TPTE2: variants seen among roughly 807,000 people sequenced by gnomAD.
TPTE2 encodes the protein phosphatidylinositol 3,4,5-trisphosphate 3-phosphatase TPTE2.
Under a neutral mutation model 78.6 loss-of-function variants are expected in TPTE2, and 53 were observed. The ratio of observed to expected loss-of-function variants is 0.67; its 90% CI spans 0.54 to 0.85. The LOEUF (loss-of-function observed/expected upper bound fraction) is 0.85, where lower values mean the gene tolerates loss of function less well. Among genes scored for constraint, TPTE2 ranks in the 40% least tolerant of loss-of-function variants. TPTE2 has a pLI of 0.00. For missense variants in TPTE2, 461 were observed against 623.0 expected (o/e 0.74, Z 2.77); for synonymous variants, 175 against 206.2 (o/e 0.85, Z 1.30).
chr13:19,438,350 A>G, intron 13 of TPTE2, 197 bp from the exon 17 acceptor site: 2 of 985,444 alleles, frequency 2.0e-6, no homozygotes, highest in African/African-American at 3.5e-5. Flanking sequence ...TACGCAAATT[A>G]CATTTACAGT....
chr13:19,483,816 A>G (rs984589700), intron 3 of TPTE2, among the ~76,000 whole-genome samples: 4 of 152,084 alleles, frequency 2.6e-5, no homozygotes, highest in African/African-American at 9.7e-5. Context: ...TCTAGGGTAC[A>G]TGTGCACAAT....
upstream of TPTE2, among the ~76,000 whole-genome samples, chr13:19,507,049 T>A (rs1377519209): frequency 6.6e-6 from 1 of 152,020 alleles, no homozygotes; most frequent in Non-Finnish European, 1.5e-5. Flanking sequence ...TCCAAGAAAG[T>A]CTATATTTAA....
At chr13:19,459,699 C>T (rs1489185646) in intron 10 of TPTE2, among the ~76,000 whole-genome samples, 1 of 152,194 alleles carries the variant, frequency 6.6e-6, no homozygotes, top group African/African-American at 2.4e-5. Flanking sequence ...TGGTTAAAGC[C>T]CCCGCGGGGA....
chr13:19,559,394 A>G, the TPTE2 span, among the ~76,000 whole-genome samples: 1 of 152,170 alleles, frequency 6.6e-6, no homozygotes, highest in Non-Finnish European at 1.5e-5. Context: ...GGCCAAACCC[A>G]AAAATAAATA....
chr13:19,545,173 G>A, the TPTE2 span, among the ~76,000 whole-genome samples: 1 of 152,092 alleles, frequency 6.6e-6, no homozygotes, highest in Non-Finnish European at 1.5e-5. Flanking sequence ...AACTGACTTA[G>A]CAGAGGAGAA....
intron 14 of TPTE2, 42 bp downstream of exon 17, chr13:19,438,050 C>T: frequency 6.3e-7 from 1 of 1,592,208 alleles, no homozygotes; most frequent in Non-Finnish European, 8.6e-7. Flanking sequence ...AACTAGCAAA[C>T]TCAATCATCA....
chr13:19,530,624 C>T (rs979683037), intron 1 of TPTE2, among the ~76,000 whole-genome samples: 4 of 151,960 alleles, frequency 2.6e-5, no homozygotes, highest in African/African-American at 9.7e-5. Context: ...AGATCACTGC[C>T]GCCTTGAACT....
At chr13:19,510,877 C>T (rs575168896) in intron 1 of TPTE2, among the ~76,000 whole-genome samples, 2 of 152,200 alleles carry the variant, frequency 1.3e-5, no homozygotes, top group Admixed American at 1.3e-4. Flanking sequence ...TGCTCAAATT[C>T]ATAAGTTATC....
chr13:19,494,157 C>A (rs1027892796), intron 1 of TPTE2, among the ~76,000 whole-genome samples: 1 of 152,190 alleles, frequency 6.6e-6, no homozygotes, highest in Non-Finnish European at 1.5e-5. Context: ...TCTGCTTTTC[C>A]AAAGCATTTG....
chr13:19,549,617 A>G, the TPTE2 span, among the ~76,000 whole-genome samples: 1 of 115,112 alleles, frequency 8.7e-6, no homozygotes, highest in African/African-American at 2.6e-5. Flanking sequence ...AACTTAAAAC[A>G]GGACTACCAT....
At chr13:19,467,022 G>A (rs1198474505) in intron 7 of TPTE2, among the ~76,000 whole-genome samples, 3 of 152,056 alleles carry the variant, frequency 2.0e-5, no homozygotes, top group South Asian at 2.1e-4. Flanking sequence ...GGTACTTAGC[G>A]TGTATATTCT....
chr13:19,499,823 G>A (rs1360340733), intron 1 of TPTE2, among the ~76,000 whole-genome samples: 1 of 150,630 alleles, frequency 6.6e-6, no homozygotes, highest in African/African-American at 2.5e-5. Flanking sequence ...AGGAAATAGA[G>A]ACACAAAAAA....
At chr13:19,431,722 G>T (rs1876620268) in intron 16 of TPTE2, among the ~76,000 whole-genome samples, 1 of 140,172 alleles carries the variant, frequency 7.1e-6, no homozygotes, top group African/African-American at 2.6e-5. Flanking sequence ...GTGAAATGTA[G>T]AACTAAACTC....
intron 10 of TPTE2, among the ~76,000 whole-genome samples, chr13:19,460,946 T>A (rs1038502077): frequency 6.6e-6 from 1 of 152,178 alleles, no homozygotes; most frequent in African/African-American, 2.4e-5. Flanking sequence ...GGTTATAGCA[T>A]CCCCATCTTT....
At chr13:19,532,219 T>C (rs77376247) in intron 1 of TPTE2, among the ~76,000 whole-genome samples, 1 of 152,174 alleles carries the variant, frequency 6.6e-6, no homozygotes, top group Non-Finnish European at 1.5e-5. Context: ...TAAATGCTTG[T>C]CTTTTATACC....
chr13:19,464,808 C>A (rs113274443), intron 9 of TPTE2, among the ~76,000 whole-genome samples: 6 of 152,256 alleles, frequency 3.9e-5, no homozygotes, highest in African/African-American at 1.4e-4. Flanking sequence ...GAATTTATTT[C>A]TTATCTTAAA....
At chr13:19,450,365 G>A (rs1878101454) in intron 11 of TPTE2, 21 bp from the exon 15 acceptor site, 1 of 1,587,752 alleles carries the variant, frequency 6.3e-7, no homozygotes, top group Admixed American at 1.7e-5. Context: ...TAATATGTAT[G>A]TCATATCTCT....
chr13:19,537,832 T>A (rs1199560963), upstream of TPTE2, among the ~76,000 whole-genome samples: 1 of 152,080 alleles, frequency 6.6e-6, no homozygotes, highest in Non-Finnish European at 1.5e-5. Flanking sequence ...CTCAAACTCC[T>A]GACCTCAGGT....
intron 1 of TPTE2, among the ~76,000 whole-genome samples, chr13:19,522,782 C>A (rs1464139611): frequency 1.3e-5 from 2 of 151,736 alleles, no homozygotes; most frequent in African/African-American, 4.8e-5. Flanking sequence ...GCCACCATGT[C>A]AAGCTAATTT....
Sources: gnomAD v4.1 joint callset for allele counts (sites outside exome capture counted in the v4.1 genomes callset) on GRCh38, gnomAD v4.1.1 for gene constraint, MANE v1.5 for transcripts, NCBI Gene and HGNC (gene_info 2026-07-23, HGNC 2026-07-21) for gene names.